Variants in FSTL5 observed in about 807,000 individuals in gnomAD.
The protein encoded by FSTL5 is follistatin-related protein 5.
Under a neutral mutation model 89.1 loss-of-function variants are expected in FSTL5, and 62 were observed. That is an observed-to-expected ratio of 0.70 (90% CI 0.57 to 0.86). The LOEUF (loss-of-function observed/expected upper bound fraction) is 0.86. FSTL5 is among the 40% of genes least tolerant of loss of function. The pLI is 0.00. For missense variants in FSTL5, 1,057 were observed against 1,001.6 expected, an observed-to-expected ratio of 1.06 and a Z score of -0.75; for synonymous variants, 383 against 346.2, an observed-to-expected ratio of 1.11 and a Z score of -1.18.
intron 4 of FSTL5, among the ~76,000 whole-genome samples, chr4:161,873,019 G>C (rs1346401646): frequency 6.6e-6 from 1 of 152,074 alleles, no homozygotes; most frequent in Non-Finnish European, 1.5e-5. Context: ...AAATATTCTG[G>C]AACTATAGAA....
rs548789873 is a variant in FSTL5 at position 161,951,772 on chromosome 4, T to C, written c.161-31120A>G. On this transcript the variant is annotated intron_variant, in intron 3 of 15. Coordinates refer to ENST00000306100, the MANE Select transcript of FSTL5 (RefSeq NM_020116.5). ...GACTAAAAAGCTTTGTATGATAGTTTGCTGCAAAATTGTTGAAATGTACTT... is the reference window on the plus strand; with the variant it reads ...GACTAAAAAGCTTTGTATGATAGTTCGCTGCAAAATTGTTGAAATGTACTT... 2.6e-5 allele frequency among the ~76,000 whole-genome samples: 4 copies of C among 152,212 alleles called. No individual in the cohort carries two copies. In the East Asian group the frequency reaches 7.7e-4, roughly 29 times the overall value.
chr4:161,686,328 ATATATATATATATATATATTTTTTTTTTT>A (rs1737726111), intron 6 of FSTL5, among the ~76,000 whole-genome samples: 5 of 6,098 alleles, frequency 8.2e-4, no homozygotes, highest in East Asian at 0.016. Flanking sequence ...ATATATATAT[ATATATATATATATATATATTTTTTTTTTT>A]TTTTTTTTTT....
intron 6 of FSTL5, among the ~76,000 whole-genome samples, chr4:161,712,695 T>A (rs767373318): frequency 6.6e-6 from 1 of 152,158 alleles, no homozygotes; most frequent in African/African-American, 2.4e-5. Context: ...AATGGCTTGG[T>A]GCTGTCCTCA....
chr4:161,829,797 C>T (rs1730786932), intron 4 of FSTL5, among the ~76,000 whole-genome samples: 2 of 152,068 alleles, frequency 1.3e-5, no homozygotes, highest in South Asian at 4.1e-4. Context: ...TTTACACAAG[C>T]ATACACAGAA....
intron 4 of FSTL5, among the ~76,000 whole-genome samples, chr4:161,862,681 G>A (rs12641478): frequency 0.034 from 5,238 of 152,082 alleles, 172 homozygotes; most frequent in East Asian, 0.15. Flanking sequence ...GCAGTGAGCC[G>A]AGACCCAGCC....
At chr4:161,447,770 C>A (rs1732996263) in intron 15 of FSTL5, among the ~76,000 whole-genome samples, 1 of 151,998 alleles carries the variant, frequency 6.6e-6, no homozygotes, top group Non-Finnish European at 1.5e-5. Context: ...AGAAAGTTAT[C>A]CAGTGTTTAT....
chr4:161,767,126 A>G (rs1341152878), intron 5 of FSTL5, among the ~76,000 whole-genome samples: 1 of 152,226 alleles, frequency 6.6e-6, no homozygotes, highest in Non-Finnish European at 1.5e-5. Context: ...GCTCCTTTTC[A>G]TAAGAAATTA....
chr4:161,540,120 T>C (rs555562433), intron 9 of FSTL5, among the ~76,000 whole-genome samples: 13 of 152,268 alleles, frequency 8.5e-5, no homozygotes, highest in African/African-American at 3.1e-4. Flanking sequence ...CCAATCCCTT[T>C]ATCTATTTAT....
At chr4:161,510,353 A>G (rs749479321) in intron 11 of FSTL5, 45 bp downstream of exon 11, 34 of 1,271,850 alleles carry the variant, frequency 2.7e-5, no homozygotes, top group Non-Finnish European at 3.7e-5. Flanking sequence ...ATCTAATAAT[A>G]ATCAAGCAAA....
chr4:161,931,914 G>A (rs1578871183), intron 3 of FSTL5, among the ~76,000 whole-genome samples: 1 of 151,864 alleles, frequency 6.6e-6, no homozygotes. Context: ...CACTCCCAAT[G>A]GTACAGTCCA....
intron 6 of FSTL5, among the ~76,000 whole-genome samples, chr4:161,705,766 C>T (rs1738543423): frequency 2.0e-5 from 3 of 150,762 alleles, no homozygotes; most frequent in African/African-American, 4.9e-5. Flanking sequence ...GAAAATACTT[C>T]ATCATTATAA....
intron 15 of FSTL5, among the ~76,000 whole-genome samples, chr4:161,412,140 G>A (rs1171494160): frequency 1.3e-5 from 2 of 152,030 alleles, no homozygotes. Flanking sequence ...CAAGGAGGGT[G>A]AAAGACCTCT....
At chr4:161,421,402 G>C (rs141603092) in intron 15 of FSTL5, among the ~76,000 whole-genome samples, 88 of 151,642 alleles carry the variant, frequency 5.8e-4, no homozygotes, top group Non-Finnish European at 1.1e-3. Flanking sequence ...GTGTATCAAA[G>C]ACATTATTTC....
chr4:162,112,316 T>C (rs182856075), intron 1 of FSTL5, among the ~76,000 whole-genome samples: 1 of 152,330 alleles, frequency 6.6e-6, no homozygotes, highest in Admixed American at 6.5e-5. Flanking sequence ...CACTTTGTTA[T>C]GTAGGCTGGA....
chr4:161,735,443 G>T (rs1739776400), intron 6 of FSTL5, among the ~76,000 whole-genome samples: 1 of 152,056 alleles, frequency 6.6e-6, no homozygotes, highest in Non-Finnish European at 1.5e-5. Context: ...CTCCTCCCCA[G>T]AGGCTTTTCC....
intron 10 of FSTL5, among the ~76,000 whole-genome samples, chr4:161,526,298 A>C: frequency 1.3e-5 from 2 of 152,316 alleles, no homozygotes; most frequent in South Asian, 4.1e-4. Context: ...ATTTGAGATA[A>C]AAGTAGAAAT....
intron 15 of FSTL5, among the ~76,000 whole-genome samples, chr4:161,411,123 C>T (rs1202210066): frequency 2.0e-5 from 3 of 152,082 alleles, no homozygotes; most frequent in Admixed American, 6.6e-5. Flanking sequence ...GACAATCTCT[C>T]GAGATCGAAT....
At chr4:161,844,537 C>T (rs1323368387) in intron 4 of FSTL5, among the ~76,000 whole-genome samples, 1 of 152,014 alleles carries the variant, frequency 6.6e-6, no homozygotes, top group African/African-American at 2.4e-5. Flanking sequence ...TGGAACCAAC[C>T]CAAATGCCAA....
At chr4:161,579,591 C>T (rs968732379) in intron 8 of FSTL5, among the ~76,000 whole-genome samples, 28 of 151,952 alleles carry the variant, frequency 1.8e-4, no homozygotes, top group African/African-American at 6.8e-4. Flanking sequence ...GTGGCAGGCA[C>T]CTGTGATTGC....
Sources: allele counts gnomAD v4.1 joint callset (sites outside exome capture counted in the v4.1 genomes callset), GRCh38; gene constraint gnomAD v4.1.1; transcripts MANE v1.5; gene names NCBI Gene and HGNC (gene_info 2026-07-23, HGNC 2026-07-21).